The following COL12A1 variants were observed in gnomAD, a reference collection of about 807,000 sequenced individuals.
COL12A1 encodes collagen type XII alpha 1 chain.
A neutral mutation model predicts 349.7 loss-of-function variants in COL12A1; 114 were observed. That is an observed-to-expected ratio of 0.33 (90% CI 0.28 to 0.38). The LOEUF (loss-of-function observed/expected upper bound fraction) is 0.38. Among genes scored for constraint, COL12A1 ranks in the 10% least tolerant of loss-of-function variants. COL12A1 has a pLI of 1.00. For missense variants in COL12A1, 3,284 were observed against 3,756.9 expected, an observed-to-expected ratio of 0.87 and a Z score of 3.29; for synonymous variants, 1,369 against 1,329.0, an observed-to-expected ratio of 1.03 and a Z score of -0.66.
At chr6:75,134,575 AAAAAG>A in intron 32 of COL12A1, 146 bp downstream of exon 32, 1 of 723,648 alleles carries the variant, frequency 1.4e-6, no homozygotes, top group African/African-American at 1.8e-5. Flanking sequence ...CATCTCAAAA[AAAAAG>A]AAAAGAAAAA....
chr6:75,106,141 G>A (rs1423474029), intron 53 of COL12A1, among the ~76,000 whole-genome samples: 3 of 152,128 alleles, frequency 2.0e-5, no homozygotes, highest in African/African-American at 7.2e-5. Flanking sequence ...AGCAATAAGA[G>A]GGCTTTACAG....
At position 75,124,244 on chromosome 6, in the gene COL12A1, T is replaced by A. The variant is rs1398653047; in HGVS notation, c.6724+11A>T. 4.4e-6 allele frequency: 7 copies of A among 1,607,308 alleles called. No homozygotes were observed. The highest frequency in any genetic ancestry group is 5.1e-6 in the Non-Finnish European group (6 of 1,177,682). On this transcript the variant is annotated intron_variant, in intron 41 of 65. Transcript: ENST00000322507. ...TGCTCCAGATCATTTTTTTCTTTTT[T>A]ACACACATACCATCTGCAGGGCTTA...
chr6:75,173,966 T>C (rs1173834412), intron 13 of COL12A1, among the ~76,000 whole-genome samples: 1 of 152,198 alleles, frequency 6.6e-6, no homozygotes, highest in Non-Finnish European at 1.5e-5. Context: ...CCCCCAGTTA[T>C]AGGACTGAGT....
intron 53 of COL12A1, 49 bp from the exon 54 acceptor site, chr6:75,105,341 G>T: frequency 2.8e-6 from 4 of 1,425,182 alleles, no homozygotes; most frequent in South Asian, 1.2e-5. Context: ...GGAAAAAAAT[G>T]ACTTCCCATC....
chr6:75,191,354 C>A (rs1769921564), intron 5 of COL12A1, among the ~76,000 whole-genome samples: 1 of 152,000 alleles, frequency 6.6e-6, no homozygotes, highest in Admixed American at 6.6e-5. Flanking sequence ...TAAGTACCAC[C>A]TACTGCTATC....
At chr6:75,157,823 T>C (rs977124717) in intron 14 of COL12A1, among the ~76,000 whole-genome samples, 3 of 152,068 alleles carry the variant, frequency 2.0e-5, no homozygotes, top group African/African-American at 7.2e-5. Flanking sequence ...AACAATTTAT[T>C]GAGCTCACAC....
rs1767453957 is a variant in COL12A1, at chr6:75,085,664, A to G, written c.*883T>C. 4.5e-6 allele frequency: 1 copy of G among 224,244 alleles called. No individual in the cohort carries two copies. The highest frequency in any genetic ancestry group is 2.3e-5 in the African/African-American group (1 of 43,814). 13.9% of individuals were successfully genotyped at this position (224,244 alleles called of 1,614,324 possible). A position where few individuals can be genotyped will look rare whatever the true frequency, so the allele number is the denominator to read the frequency against. The stretch of plus-strand genomic sequence containing the variant: ...ACTGTAAACGCAGTAACTAAGTAGG[A>G]TTTTCGCAAATCCCCAAGTAACTGT... On this transcript the variant is annotated 3_prime_UTR_variant, in exon 66 of 66. Coordinates refer to ENST00000322507, the MANE Select transcript of COL12A1 (RefSeq NM_004370.6).
intron 59 of COL12A1, 25 bp from the exon 60 acceptor site, chr6:75,095,204 G>A: frequency 4.4e-6 from 7 of 1,573,202 alleles, no homozygotes; most frequent in Non-Finnish European, 6.1e-6. Context: ...AAGGGAAGGG[G>A]ACTGTTATGA....
chr6:75,089,140 T>A lies in COL12A1; in HGVS notation c.8976A>T (p.Gly2992=). ...CAGGCAGCCCCCGAGGTCCTGAAGA[T>A]CCAGTACCCCTTTCACCTTTCTCTC... The part of the protein sequence containing the change: ...LPGEKGERGT[G]SSGPRGLPGP... The change falls in exon 64 of 66, where the codon GGA becomes GGT. Residue 2992 remains glycine, a synonymous_variant. Coordinates refer to ENST00000322507, the MANE Select transcript of COL12A1 (RefSeq NM_004370.6). The A allele has an allele frequency of 6.2e-7, 1 of 1,611,250 alleles. No homozygotes were observed. The highest frequency in any genetic ancestry group is 8.5e-7 in the Non-Finnish European group (1 of 1,179,156).
At chr6:75,130,256 A>C in intron 36 of COL12A1, 23 bp from the exon 37 acceptor site, 1 of 1,608,520 alleles carries the variant, frequency 6.2e-7, no homozygotes, top group Non-Finnish European at 8.5e-7. Context: ...AATACAATAG[A>C]GTTTGTTGCC....
chr6:75,205,614 A>G (rs1474686471), intron 1 of COL12A1, among the ~76,000 whole-genome samples, 163 bp downstream of exon 1: 1 of 151,702 alleles, frequency 6.6e-6, no homozygotes, highest in African/African-American at 2.4e-5. Flanking sequence ...ACCAAATCCC[A>G]GTATACAAGG....
Position 75,137,575 on chromosome 6 carries a change from G to A in COL12A1, c.5256C>T (p.Pro1752=). The A allele has an allele frequency of 6.2e-7, 1 of 1,613,548 alleles. No individual in the cohort carries two copies. The highest frequency in any genetic ancestry group is 8.5e-7 in the Non-Finnish European group (1 of 1,179,766). The change falls in exon 31 of 66, where the codon CCC becomes CCT. Residue 1752 remains proline (P), a synonymous_variant. Transcript: ENST00000322507. ...RTLPILTTQA[P]KSGPRNLQVY... ...CTTGAAGGTTTCGTGGGCCACTTTT[G>A]GGAGCTGAAAGAAGATTGTTGAAAA...
Position 75,126,401 on chromosome 6 carries a change from T to C in COL12A1, c.6410A>G (p.Asp2137Gly). 5 of 1,611,766 alleles carry C rather than the reference T, an allele frequency of 3.1e-6. No homozygotes were observed. Among genetic ancestry groups the C allele is most frequent in the Non-Finnish European group, 4.2e-6 (5 of 1,178,198 alleles). ...EWYTRFRVSW[D>G]PSPSPVLGYK... ...TCCAAGAACTGGAGAAGGTGAAGGA[T>C]CCCAGGACACCCTGAATCTTGTATA... The change falls in exon 39 of 66, where the codon GAT (aspartate) becomes GGT (glycine). Residue 2137 changes from aspartate to glycine, a missense_variant. By Grantham distance (94) the Asp-to-Gly change is moderately conservative (BLOSUM62 -1). This residue lies in a region of COL12A1 where 2,601 missense variants were observed against 2,824.8 expected (regional missense o/e 0.92). Transcript: ENST00000322507.
At chr6:75,111,469 A>T (rs1363556640) in intron 51 of COL12A1, among the ~76,000 whole-genome samples, 2 of 151,942 alleles carry the variant, frequency 1.3e-5, no homozygotes, top group East Asian at 3.8e-4. Context: ...TTTTAGATAA[A>T]ATGAAGCATT....
intron 27 of COL12A1, 72 bp from the exon 28 acceptor site, chr6:75,139,033 C>G: frequency 6.4e-7 from 1 of 1,560,608 alleles, no homozygotes; most frequent in Non-Finnish European, 8.8e-7. Flanking sequence ...ATAATAAAAA[C>G]TGCCTTGTTT....
intron 2 of COL12A1, among the ~76,000 whole-genome samples, chr6:75,195,615 A>C (rs1483676503): frequency 6.6e-6 from 1 of 152,182 alleles, no homozygotes. Flanking sequence ...AGTATTCAAA[A>C]ATAAGTGATG....
chr6:75,085,417 C>T lies in COL12A1; in HGVS notation c.*1130G>A, dbSNP rs1767442178. On this transcript the variant is annotated 3_prime_UTR_variant, in exon 66 of 66. Transcript: ENST00000322507. ...GCATGATTTGGAAGGCACACACACA[C>T]ACACACAGCAAAAGCTAAATCATCA... is the stretch of plus-strand genomic sequence containing the variant. 1 of 461,286 alleles carries T rather than the reference C, an allele frequency of 2.2e-6. No individual in the cohort carries two copies. The highest frequency in any genetic ancestry group is 2.0e-5 in the African/African-American group (1 of 49,746). The allele number at this position is 461,286 out of a possible 1,614,324, so 28.6% of individuals were successfully genotyped here.
At position 75,194,870 on chromosome 6, in the gene COL12A1, G is replaced by A. The variant is rs759069026; in HGVS notation, c.151C>T (p.Pro51Ser). 1.2e-6 allele frequency: 2 copies of A among 1,612,048 alleles called. No individual in the cohort carries two copies. The highest frequency in any genetic ancestry group is 2.2e-5 in the South Asian group (2 of 90,616). The change falls in exon 3 of 66, where the codon CCA becomes TCA. Residue 51 changes from proline to serine, a missense_variant. Pro to Ser is a moderately conservative substitution (Grantham distance 74). Coordinates refer to ENST00000322507, the MANE Select transcript of COL12A1 (RefSeq NM_004370.6). ...ACCGTTATTCTGTAACCCACAATTG[G>A]ATCAACTGGTTTTGCCCATGACATA... Reference protein sequence around the residue: ...VHMSWAKPVDPIVGYRITVDP... With the variant: ...VHMSWAKPVDSIVGYRITVDP...
At chr6:75,129,059 C>T (rs143647031) in intron 37 of COL12A1, among the ~76,000 whole-genome samples, 144 of 152,298 alleles carry the variant, frequency 9.5e-4, no homozygotes, top group African/African-American at 3.4e-3. Context: ...TGAATCCTGG[C>T]CTGGAGTCCT....
Sources: allele counts gnomAD v4.1 joint callset (sites outside exome capture counted in the v4.1 genomes callset), GRCh38; gene constraint gnomAD v4.1.1; regional missense constraint gnomAD v4.1.1; transcripts MANE v1.5; gene names NCBI Gene and HGNC (gene_info 2026-07-23, HGNC 2026-07-21).